CLPTM1: variants seen among roughly 807,000 people sequenced by gnomAD.
CLPTM1 encodes CLPTM1 regulator of GABA type A receptor forward trafficking, also known as putative lipid scramblase CLPTM1.
In CLPTM1, 21 loss-of-function variants were observed where a neutral mutation model predicts 77.3. The observed-to-expected ratio is 0.27, with a 90% CI of 0.19 to 0.39. CLPTM1 has a LOEUF of 0.39. Ranked by LOEUF, CLPTM1 falls within the 10% of genes least tolerant of loss-of-function variation. CLPTM1 has a pLI of 1.00. For synonymous variants in CLPTM1, 373 were observed against 381.0 expected (o/e 0.98, Z 0.24); for missense variants, 642 against 921.2 (o/e 0.70, Z 3.92).
intron 2 of CLPTM1, among the ~76,000 whole-genome samples, chr19:44,963,328 A>T (rs1384186939): frequency 2.7e-3 from 358 of 131,512 alleles, no homozygotes; most frequent in African/African-American, 9.2e-3. Context: ...TATTTTATGT[A>T]TTTTTTTTTT....
At position 44,992,322 on chromosome 19, in the gene CLPTM1, C is replaced by T; in HGVS notation, c.1645C>T (p.Leu549Phe). 1 of 1,614,160 alleles carries T rather than the reference C, an allele frequency of 6.2e-7. No individual in the cohort carries two copies. The highest frequency in any genetic ancestry group is 2.2e-5 in the East Asian group (1 of 44,886). Residue 549 changes from leucine (L) to phenylalanine (F), a missense_variant, in exon 13 of 14, where the codon CTC (leucine) becomes TTC (phenylalanine). Coordinates refer to ENST00000337392, the MANE Select transcript of CLPTM1 (RefSeq NM_001294.4). This position sits in a 1 kb window ranked among gnomAD's most constrained non-coding sequence, Gnocchi z 7.7. ...LPWRMLTYKALNTFIDDLFAF... is the reference protein window; with the variant it reads ...LPWRMLTYKAFNTFIDDLFAF... ...CTGGCGCATGCTCACCTACAAGGCC[C>T]TCAACACATTCATCGACGACCTGTT...
chr19:44,967,673 C>T (rs1320009534), intron 2 of CLPTM1, among the ~76,000 whole-genome samples: 1 of 140,412 alleles, frequency 7.1e-6, no homozygotes, highest in Non-Finnish European at 1.5e-5. Flanking sequence ...AAAAAAAAAA[C>T]AACTCATGAT....
intron 8 of CLPTM1, 101 bp from the exon 9 acceptor site, chr19:44,987,979 A>C (rs1297456909): frequency 1.3e-5 from 11 of 848,150 alleles, no homozygotes; most frequent in Non-Finnish European, 2.0e-5. Context: ...GCCCACCTTC[A>C]GCCTCCCTCT....
Position 44,967,914 on chromosome 19 carries a change from C to T in CLPTM1, c.186-5173C>T, listed in dbSNP as rs540546806. 5.9e-5 allele frequency among the ~76,000 whole-genome samples: 9 copies of T among 152,328 alleles called. No individual in the cohort carries two copies. In the East Asian group the frequency reaches 1.2e-3, roughly 20 times the overall value. On this transcript the variant is annotated intron_variant, in intron 2 of 13. Coordinates refer to ENST00000337392, the MANE Select transcript of CLPTM1 (RefSeq NM_001294.4). ...ACTTCACCTCCCCTCCCCATGGCCA[C>T]GTAAAGACTTCAGATTTTCTTATAT... is the stretch of plus-strand genomic sequence containing the variant.
At chr19:44,972,528 C>T (rs1176957341) in intron 2 of CLPTM1, among the ~76,000 whole-genome samples, 1 of 152,204 alleles carries the variant, frequency 6.6e-6, no homozygotes, top group Non-Finnish European at 1.5e-5. Flanking sequence ...GGATTACAGG[C>T]ATGAGCCGCC....
At chr19:44,986,147 A>G (rs1259396167) in intron 6 of CLPTM1, among the ~76,000 whole-genome samples, 3 of 152,092 alleles carry the variant, frequency 2.0e-5, no homozygotes, top group African/African-American at 7.2e-5. Context: ...CGGAAGTTCA[A>G]GATCAGCCCA....
At position 44,990,192 on chromosome 19, in the gene CLPTM1, G is replaced by GGGT; in HGVS notation, c.1133-201_1133-199dup. 1.7e-6 allele frequency: 1 copy of GGGT among 588,232 alleles called. No individual in the cohort carries two copies. The highest frequency in any genetic ancestry group is 2.1e-5 in the South Asian group (1 of 46,566). The allele number at this position is 588,232 out of a possible 1,614,324, so 36.4% of individuals were successfully genotyped here. A position where few individuals can be genotyped will look rare whatever the true frequency, so the allele number is the denominator to read the frequency against. On this transcript the variant is annotated intron_variant, in intron 9 of 13. Transcript: ENST00000337392. This position sits in a 1 kb window ranked among gnomAD's most constrained non-coding sequence, Gnocchi z 4.8. ...CTGACGTCCTATGGGAGGGCTCCAG[G>GGGT]GGTGCCGCCTGTCTGGTGCTCTGGG... is the stretch of plus-strand genomic sequence containing the variant.
chr19:44,974,645 T>C, intron 4 of CLPTM1, 48 bp downstream of exon 4: 2 of 1,445,082 alleles, frequency 1.4e-6, no homozygotes, highest in Non-Finnish European at 9.1e-7. Flanking sequence ...TGACTGGCAC[T>C]GAAGGACCTT....
rs780165372 is a variant in CLPTM1 at position 44,992,426 on chromosome 19, C to T, written c.1723+26C>T. 4 of 1,613,224 alleles carry T rather than the reference C, an allele frequency of 2.5e-6. No homozygotes were observed. In the Admixed American group the frequency reaches 6.7e-5, roughly 27 times the overall value. ...GTGAGGCCCGGTGGGCAGGTGGGAGCTCCCACCGGAACAGGGCCCTGAGGC... is the reference window on the plus strand; with the variant it reads ...GTGAGGCCCGGTGGGCAGGTGGGAGTTCCCACCGGAACAGGGCCCTGAGGC... On this transcript the variant is annotated intron_variant, in intron 13 of 13. Coordinates refer to ENST00000337392, the MANE Select transcript of CLPTM1 (RefSeq NM_001294.4). This position sits in a 1 kb window ranked among gnomAD's most constrained non-coding sequence, Gnocchi z 7.7.
chr19:44,973,975 G>A (rs1970765705), intron 3 of CLPTM1, among the ~76,000 whole-genome samples: 3 of 151,540 alleles, frequency 2.0e-5, no homozygotes, highest in Non-Finnish European at 1.5e-5. Flanking sequence ...TTTTTGGTAC[G>A]CTGGTCTCGA....
In CLPTM1 at chr19:44,972,621, C is replaced by A. The variant is rs187375881; in HGVS notation, c.186-466C>A. 3.9e-5 allele frequency among the ~76,000 whole-genome samples: 6 copies of A among 152,244 alleles called. No individual in the cohort carries two copies. In the East Asian group the frequency reaches 1.2e-3, roughly 29 times the overall value. ...TTTTGAAGCGCTAGGATTCCAGATT[C>A]TTTCTTTTAAAAATTTTATGTTTAT... On this transcript the variant is annotated intron_variant, in intron 2 of 13. Transcript: ENST00000337392.
intron 3 of CLPTM1, 83 bp downstream of exon 3, chr19:44,973,293 G>C: frequency 6.3e-7 from 1 of 1,584,510 alleles, no homozygotes; most frequent in Non-Finnish European, 8.6e-7. Context: ...CAGCAGTCGG[G>C]ACAGACCAGG....
At chr19:44,975,993 G>C (rs1374069126) in intron 4 of CLPTM1, among the ~76,000 whole-genome samples, 1 of 152,142 alleles carries the variant, frequency 6.6e-6, no homozygotes, top group Non-Finnish European at 1.5e-5. Flanking sequence ...CTCCCAAGTA[G>C]CTGGGACAAC....
chr19:44,977,570 C>A, intron 5 of CLPTM1, 110 bp downstream of exon 5: 1 of 859,636 alleles, frequency 1.2e-6, no homozygotes, highest in Non-Finnish European at 1.9e-6. Flanking sequence ...AGGCAGGAAG[C>A]CTGTGCTCAA....
chr19:44,978,210 T>G (rs531940992), intron 5 of CLPTM1, among the ~76,000 whole-genome samples: 1 of 151,840 alleles, frequency 6.6e-6, no homozygotes, highest in East Asian at 1.9e-4. Context: ...ATAGAGACCA[T>G]CCTGGCCAAC....
At chr19:44,981,946 A>C (rs948763782) in intron 5 of CLPTM1, among the ~76,000 whole-genome samples, 1 of 152,172 alleles carries the variant, frequency 6.6e-6, no homozygotes, top group Non-Finnish European at 1.5e-5. Flanking sequence ...CATGAGATTA[A>C]TATCAATAAT....
intron 2 of CLPTM1, among the ~76,000 whole-genome samples, chr19:44,967,063 G>A (rs1040116479): frequency 2.6e-5 from 4 of 152,106 alleles, no homozygotes; most frequent in Admixed American, 1.3e-4. Flanking sequence ...GGATAGTCTC[G>A]ATCTCCTGAC....
Position 44,990,883 on chromosome 19 carries a change from C to T in CLPTM1, c.1357C>T (p.Pro453Ser), listed in dbSNP as rs1568390527. 2 of 1,613,816 alleles carry T rather than the reference C, an allele frequency of 1.2e-6. No individual in the cohort carries two copies. The highest frequency in any genetic ancestry group is 2.7e-5 in the African/African-American group (2 of 74,866). ...AGAGCACAGGGTGGCAGGAATCTTC[C>T]CCCGCCTATCCTTCAAGGACAAGTC... is the stretch of plus-strand genomic sequence containing the variant. ...DREHRVAGIF[P>S]RLSFKDKSTY... Residue 453 changes from proline (P) to serine (S), a missense_variant, in exon 11 of 14, where the codon CCC (proline) becomes TCC (serine). By Grantham distance (74) the Pro-to-Ser change is moderately conservative. Around this residue, in one of 2 missense-constraint regions of CLPTM1, gnomAD observed 521 missense variants for 800.4 expected, o/e 0.65. Coordinates refer to ENST00000337392, the MANE Select transcript of CLPTM1 (RefSeq NM_001294.4). This position sits in a 1 kb window ranked among gnomAD's most constrained non-coding sequence, Gnocchi z 4.8.
Position 44,985,402 on chromosome 19 carries a change from C to G in CLPTM1, c.672+99C>G, listed in dbSNP as rs1021601045. 4.5e-5 allele frequency: 37 copies of G among 823,154 alleles called. No homozygotes were observed. The African/African-American group carries it at 6.0e-4, about 13-fold the overall frequency. The allele number at this position is 823,154 out of a possible 1,614,324, so 51.0% of individuals were successfully genotyped here. ...CTGTCATCTGTCACCACCACTGAAC[C>G]ACCATGCCGGCTCGGTCATGCCACC... On this transcript the variant is annotated intron_variant, in intron 6 of 13. Transcript: ENST00000337392.
Sources: gnomAD v4.1 joint callset for allele counts (sites outside exome capture counted in the v4.1 genomes callset) on GRCh38, gnomAD v4.1.1 for gene constraint, gnomAD v4.1.1 regional missense constraint, Gnocchi (gnomAD v3.1) non-coding constraint, MANE v1.5 for transcripts, NCBI Gene and HGNC (gene_info 2026-07-23, HGNC 2026-07-21) for gene names.